SAMD12: variants seen among roughly 807,000 people sequenced by gnomAD.
The protein encoded by SAMD12 is sterile alpha motif domain-containing protein 12.
Under a neutral mutation model 15.0 loss-of-function variants are expected in SAMD12, and 9 were observed. The ratio of observed to expected loss-of-function variants is 0.60; its 90% CI spans 0.36 to 1.05. The LOEUF is 1.05. Ranked by LOEUF, SAMD12 falls within the 50% of genes least tolerant of loss-of-function variation. The pLI, the probability that SAMD12 is intolerant of heterozygous loss-of-function variation, is 0.01. For synonymous variants in SAMD12, 86 were observed against 90.1 expected (o/e 0.96, Z 0.25); for missense variants, 230 against 234.2 (o/e 0.98, Z 0.12).
chr8:118,308,797 G>A (rs369380603), intron 4 of SAMD12, among the ~76,000 whole-genome samples: 11 of 151,478 alleles, frequency 7.3e-5, no homozygotes, highest in East Asian at 1.9e-4. Flanking sequence ...TGCTTAACAC[G>A]CCTCCAGCCT....
rs1424582320 is a variant in SAMD12, at chr8:118,269,259, TG to T, written c.434-71528del. ...GTGTGTGTGTGTGTGTGTGTGTGTGTGTAAGCAGGAAACAAATGTAGAAGTG... is the reference window on the plus strand; with the variant it reads ...GTGTGTGTGTGTGTGTGTGTGTGTGTTAAGCAGGAAACAAATGTAGAAGTG... On this transcript the variant is annotated intron_variant, in intron 4 of 4. Transcript: ENST00000409003. 3.7e-3 allele frequency among the ~76,000 whole-genome samples: 493 copies of T among 134,708 alleles called. 6 individuals are homozygous for T. The highest frequency in any genetic ancestry group is 0.014 in the African/African-American group (469 of 33,482). The allele number at this position is 134,708 out of a possible 152,430, so 88.4% of individuals were successfully genotyped here.
At chr8:118,527,183 A>T (rs998462551) in intron 2 of SAMD12, among the ~76,000 whole-genome samples, 1 of 152,176 alleles carries the variant, frequency 6.6e-6, no homozygotes, top group Non-Finnish European at 1.5e-5. Flanking sequence ...CAGGAGCCTC[A>T]TAATTGGCCT....
the SAMD12 span, among the ~76,000 whole-genome samples, chr8:118,146,203 T>C: frequency 2.0e-5 from 3 of 152,040 alleles, no homozygotes; most frequent in Admixed American, 2.0e-4. Flanking sequence ...GAGGCAGGGG[T>C]AGGCAGAGAG....
At chr8:118,377,588 G>A (rs115854647), downstream of SAMD12, among the ~76,000 whole-genome samples, 1,366 of 152,252 alleles carry the variant, frequency 9.0e-3, 12 homozygotes, top group Middle Eastern at 0.034. Flanking sequence ...TCAAAGGACT[G>A]AACTGGGCAT....
the SAMD12 span, among the ~76,000 whole-genome samples, chr8:118,170,623 C>A: frequency 6.6e-6 from 1 of 152,100 alleles, no homozygotes; most frequent in Non-Finnish European, 1.5e-5. Flanking sequence ...AGTTAAACAT[C>A]TATTTGCAAA....
At chr8:118,551,400 A>T (rs1247507833) in intron 2 of SAMD12, among the ~76,000 whole-genome samples, 1 of 151,998 alleles carries the variant, frequency 6.6e-6, no homozygotes, top group African/African-American at 2.4e-5. Flanking sequence ...CTACATGGAA[A>T]CTGAACAACC....
At chr8:118,597,844 T>C (rs533337994) in intron 1 of SAMD12, among the ~76,000 whole-genome samples, 3 of 152,370 alleles carry the variant, frequency 2.0e-5, no homozygotes, top group African/African-American at 7.2e-5. Context: ...TGTTATTTAA[T>C]GGCATATGTG....
At position 118,402,580 on chromosome 8, in the gene SAMD12, C is replaced by T. The variant is rs559875860; in HGVS notation, c.323-22880G>A. ...AGGCTGTTATTGTGTGGATAACACC[C>T]CAACCTTTTATCTATGGAATGTCAT... On this transcript the variant is annotated intron_variant, in intron 3 of 3. Coordinates refer to ENST00000314727, the MANE Select transcript of SAMD12 (RefSeq NM_207506.3). Among the ~76,000 whole-genome samples, 52 of 152,274 alleles carry T rather than the reference C, an allele frequency of 3.4e-4. 1 individual carries two copies. The South Asian group carries it at 7.1e-3, about 21-fold the overall frequency.
chr8:118,593,173 A>G (rs561472387), intron 1 of SAMD12, among the ~76,000 whole-genome samples: 24 of 152,292 alleles, frequency 1.6e-4, no homozygotes, highest in African/African-American at 4.8e-4. Context: ...TGTAATCAAA[A>G]ATCACATTCT....
chr8:118,193,769 A>C (rs1024552870), exon 5 of SAMD12: 3 of 146,846 alleles, frequency 2.0e-5, no homozygotes, highest in Non-Finnish European at 4.4e-5. Flanking sequence ...AGATGAAAGA[A>C]AAAAATCCCC....
chr8:118,571,164 G>C (rs1827000862), intron 2 of SAMD12, among the ~76,000 whole-genome samples: 1 of 152,128 alleles, frequency 6.6e-6, no homozygotes, highest in African/African-American at 2.4e-5. Flanking sequence ...ACTAGGAGTG[G>C]GGCGCTACTG....
chr8:118,138,118 G>A, the SAMD12 span, among the ~76,000 whole-genome samples: 1 of 152,032 alleles, frequency 6.6e-6, no homozygotes, highest in African/African-American at 2.4e-5. Context: ...ATCTGATTTG[G>A]GTCTTAAAGG....
chr8:118,433,858 T>C (rs1696379156), intron 3 of SAMD12, among the ~76,000 whole-genome samples: 1 of 152,218 alleles, frequency 6.6e-6, no homozygotes, highest in African/African-American at 2.4e-5. Context: ...GATAGTTAAA[T>C]ACGTTTACAT....
intron 2 of SAMD12, among the ~76,000 whole-genome samples, chr8:118,487,241 A>AT (rs1824316344): frequency 6.6e-6 from 1 of 152,150 alleles, no homozygotes; most frequent in Non-Finnish European, 1.5e-5. Flanking sequence ...TTTTCCAGCA[A>AT]TTTTATACAA....
In SAMD12 at chr8:118,621,930, A is replaced by G. The variant is rs1323606985; in HGVS notation, c.-114T>C. On this transcript the variant is annotated 5_prime_UTR_variant, in exon 1 of 4. Transcript: ENST00000314727. ...TAAATATTCTGCGCTTATCTGCTCC[A>G]GGACCAACCTGCCGCGGTCACGCAA... 1 of 1,266,442 alleles carries G rather than the reference A, an allele frequency of 7.9e-7. No homozygotes were observed. The highest frequency in any genetic ancestry group is 1.2e-6 in the Non-Finnish European group (1 of 864,856). 78.5% of individuals were successfully genotyped at this position (1,266,442 alleles called of 1,614,324 possible). A position where few individuals can be genotyped will look rare whatever the true frequency, so the allele number is the denominator to read the frequency against.
At chr8:118,214,685 TTTAAG>T (rs2129834297) in intron 4 of SAMD12, among the ~76,000 whole-genome samples, 2 of 152,330 alleles carry the variant, frequency 1.3e-5, no homozygotes, top group Non-Finnish European at 2.9e-5. Context: ...GGGAAAGTCA[TTTAAG>T]TTAACTTAGT....
chr8:118,237,969 C>T (rs1812472490), intron 4 of SAMD12, among the ~76,000 whole-genome samples: 1 of 151,884 alleles, frequency 6.6e-6, no homozygotes, highest in Non-Finnish European at 1.5e-5. Flanking sequence ...CTCATGTGAC[C>T]AAGATTTGAG....
the SAMD12 span, among the ~76,000 whole-genome samples, chr8:118,132,991 TA>T: frequency 4.3e-3 from 339 of 78,608 alleles, 9 homozygotes; most frequent in Middle Eastern, 5.8e-3. Flanking sequence ...TATATATATA[TA>T]TATATATATA....
At chr8:118,143,687 C>A in the SAMD12 span, among the ~76,000 whole-genome samples, 1 of 152,176 alleles carries the variant, frequency 6.6e-6, no homozygotes, top group African/African-American at 2.4e-5. Flanking sequence ...GGGAATTAAT[C>A]TCCAACTTTC....
Sources: allele counts gnomAD v4.1 joint callset (sites outside exome capture counted in the v4.1 genomes callset), GRCh38; gene constraint gnomAD v4.1.1; transcripts MANE v1.5; gene names NCBI Gene and HGNC (gene_info 2026-07-23, HGNC 2026-07-21).